Variants in TMEM232 observed in about 807,000 individuals in gnomAD.
TMEM232 encodes transmembrane protein 232.
TMEM232 carries 80 observed loss-of-function variants against 78.8 expected under a neutral mutation model. The ratio of observed to expected loss-of-function variants is 1.01; its 90% confidence interval spans 0.85 to 1.22. TMEM232 has a LOEUF of 1.22. Ranked by LOEUF, TMEM232 falls within the 50% of genes most tolerant of loss-of-function variation. The probability of loss-of-function intolerance (pLI) is 0.00; values close to 1 mark genes in which losing one functional copy is unlikely to be tolerated. For missense variants in TMEM232, 881 were observed against 742.2 expected, an observed-to-expected ratio of 1.19 and a Z score of -2.17; for synonymous variants, 297 against 254.3, an observed-to-expected ratio of 1.17 and a Z score of -1.60.
chr5:110,485,948 T>C (rs1764416397), intron 12 of TMEM232, among the ~76,000 whole-genome samples: 1 of 152,160 alleles, frequency 6.6e-6, no homozygotes, highest in South Asian at 2.1e-4. Flanking sequence ...TGTAGAAGTG[T>C]TTCCTGATCA....
At chr5:110,707,825 G>C (rs770476605) in intron 1 of TMEM232, among the ~76,000 whole-genome samples, 1 of 152,144 alleles carries the variant, frequency 6.6e-6, no homozygotes, top group Non-Finnish European at 1.5e-5. Flanking sequence ...TACCAGCTCA[G>C]CCACAATAGG....
At chr5:110,487,713 T>G (rs916943640) in intron 12 of TMEM232, among the ~76,000 whole-genome samples, 1 of 152,160 alleles carries the variant, frequency 6.6e-6, no homozygotes, top group African/African-American at 2.4e-5. Flanking sequence ...AGTTGGCTAG[T>G]ATTTTAAGAA....
intron 7 of TMEM232, among the ~76,000 whole-genome samples, chr5:110,620,687 C>T (rs139033482): frequency 3.1e-4 from 46 of 146,276 alleles, no homozygotes; most frequent in Non-Finnish European, 5.1e-4. Flanking sequence ...CTCTCTCCCT[C>T]TCTCGGCAAC....
At chr5:110,687,626 T>C (rs894581192) in intron 1 of TMEM232, among the ~76,000 whole-genome samples, 2 of 152,068 alleles carry the variant, frequency 1.3e-5, no homozygotes, top group African/African-American at 4.8e-5. Flanking sequence ...ATATCTATTG[T>C]TTTGGGAAAA....
chr5:110,659,645 T>G (rs1284814118), intron 2 of TMEM232, among the ~76,000 whole-genome samples: 1 of 152,060 alleles, frequency 6.6e-6, no homozygotes, highest in Non-Finnish European at 1.5e-5. Context: ...GTCACTGAAA[T>G]AATCAGACAC....
intron 1 of TMEM232, among the ~76,000 whole-genome samples, chr5:110,719,775 G>C (rs1051320853): frequency 2.6e-5 from 4 of 152,110 alleles, no homozygotes; most frequent in Admixed American, 1.3e-4. Context: ...CAGTGAATTT[G>C]GCAAGGCTCT....
At position 110,657,851 on chromosome 5, in the gene TMEM232, T is replaced by C. The variant is rs569997328; in HGVS notation, c.125+9377A>G. Among the ~76,000 whole-genome samples, 455 of 152,232 alleles carry C rather than the reference T, an allele frequency of 3.0e-3. 3 individuals carry two copies. Among genetic ancestry groups the C allele is most frequent in the African/African-American group, 0.01 (434 of 41,566 alleles). On this transcript the variant is annotated intron_variant, in intron 2 of 13. Transcript: ENST00000455884. ...CAGAACCCAGATTTTAGGGTGCTAA[T>C]CAATATATAGAGAAACAAAAATATT...
intron 12 of TMEM232, among the ~76,000 whole-genome samples, chr5:110,446,957 T>C (rs961239563): frequency 2.6e-5 from 4 of 151,360 alleles, no homozygotes; most frequent in African/African-American, 9.7e-5. Flanking sequence ...AAAGCTAGAG[T>C]TTAAAATGGA....
exon 4 of TMEM232, chr5:110,390,486 C>T (rs1366205424): frequency 6.6e-6 from 1 of 152,212 alleles, no homozygotes; most frequent in African/African-American, 2.4e-5. Flanking sequence ...GAGTCCAACA[C>T]ATCAGAGGCT....
intron 8 of TMEM232, among the ~76,000 whole-genome samples, chr5:110,613,744 T>C (rs1782589668): frequency 6.6e-6 from 1 of 152,130 alleles, no homozygotes; most frequent in Admixed American, 6.6e-5. Flanking sequence ...ATAAGACCAA[T>C]ATTAAAGATT....
chr5:110,697,084 T>C (rs550072956), intron 1 of TMEM232, among the ~76,000 whole-genome samples: 1 of 152,272 alleles, frequency 6.6e-6, no homozygotes, highest in African/African-American at 2.4e-5. Flanking sequence ...AGCATGGTAC[T>C]GGTACCAAAA....
intron 1 of TMEM232, among the ~76,000 whole-genome samples, chr5:110,694,923 A>T (rs1040323304): frequency 2.6e-5 from 4 of 152,204 alleles, no homozygotes; most frequent in African/African-American, 9.6e-5. Context: ...GATATCCTGG[A>T]ATTGAACACA....
chr5:110,569,018 C>A (rs1024133806), intron 10 of TMEM232, among the ~76,000 whole-genome samples: 1 of 151,838 alleles, frequency 6.6e-6, no homozygotes, highest in East Asian at 1.9e-4. Context: ...CAGAAAAATA[C>A]TTCCTGTTAT....
intron 12 of TMEM232, among the ~76,000 whole-genome samples, chr5:110,452,607 T>G (rs1269379627): frequency 6.6e-6 from 1 of 152,202 alleles, no homozygotes; most frequent in Non-Finnish European, 1.5e-5. Flanking sequence ...GAGCAGATTC[T>G]TAAAATGTGT....
chr5:110,556,201 C>A (rs963430176), intron 11 of TMEM232, among the ~76,000 whole-genome samples: 9 of 152,004 alleles, frequency 5.9e-5, no homozygotes, highest in African/African-American at 2.2e-4. Flanking sequence ...CCTTAGTATT[C>A]GCTTGTTTGA....
At chr5:110,645,358 A>T (rs960479236) in intron 2 of TMEM232, among the ~76,000 whole-genome samples, 5 of 151,606 alleles carry the variant, frequency 3.3e-5, no homozygotes, top group African/African-American at 1.2e-4. Context: ...ATAATAACAC[A>T]TTAAAACAAT....
At chr5:110,396,179 G>T (rs1755380858) in intron 3 of TMEM232, among the ~76,000 whole-genome samples, 1 of 152,066 alleles carries the variant, frequency 6.6e-6, no homozygotes, top group Admixed American at 6.6e-5. Flanking sequence ...AGAATGCAGG[G>T]GAAACTACTG....
intron 8 of TMEM232, among the ~76,000 whole-genome samples, chr5:110,609,477 A>AT (rs951424840): frequency 1.9e-4 from 28 of 150,190 alleles, no homozygotes; most frequent in South Asian, 4.2e-4. Flanking sequence ...TAAGGTACTG[A>AT]TTTTTTTTTT....
intron 1 of TMEM232, among the ~76,000 whole-genome samples, chr5:110,679,190 G>A (rs1410668064): frequency 6.6e-6 from 1 of 152,114 alleles, no homozygotes; most frequent in Non-Finnish European, 1.5e-5. Context: ...GCCCGGACGT[G>A]GTGTTGTCAG....
Sources: allele counts gnomAD v4.1 joint callset (sites outside exome capture counted in the v4.1 genomes callset), GRCh38; gene constraint gnomAD v4.1.1; transcripts MANE v1.5; gene names NCBI Gene and HGNC (gene_info 2026-07-23, HGNC 2026-07-21).